The following CHN2 variants were observed in gnomAD, a reference collection of about 807,000 sequenced individuals.
CHN2 encodes the protein chimerin 2, also known as beta-chimaerin.
CHN2 carries 35 observed loss-of-function variants against 56.3 expected under a neutral mutation model. The observed-to-expected ratio is 0.62, with a 90% confidence interval of 0.47 to 0.82. The LOEUF (loss-of-function observed/expected upper bound fraction) is 0.82, where lower values mean the gene tolerates loss of function less well. CHN2 is among the 40% of genes least tolerant of loss of function. CHN2 has a pLI of 0.00. For missense variants in CHN2, 491 were observed against 580.5 expected (o/e 0.85, Z 1.58); for synonymous variants, 210 against 212.8 (o/e 0.99, Z 0.12).
intron 5 of CHN2, among the ~76,000 whole-genome samples, chr7:29,399,390 G>T (rs1050257742): frequency 6.6e-6 from 1 of 152,204 alleles, no homozygotes; most frequent in African/African-American, 2.4e-5. Flanking sequence ...CGTGAGGGCA[G>T]TCATGACCCT....
chr7:29,462,971 A>G (rs958087126), intron 6 of CHN2, among the ~76,000 whole-genome samples: 1 of 135,648 alleles, frequency 7.4e-6, no homozygotes, highest in Non-Finnish European at 1.5e-5. Flanking sequence ...GTTCCCAAGG[A>G]AGAGACCTAC....
chr7:29,505,236 C>G (rs1384471785), intron 10 of CHN2, among the ~76,000 whole-genome samples: 3 of 152,192 alleles, frequency 2.0e-5, no homozygotes, highest in Non-Finnish European at 2.9e-5. Context: ...AACATACTAT[C>G]TCTTAAGTCA....
Position 29,513,878 on chromosome 7 carries a change from G to T in CHN2, c.*1143G>T, listed in dbSNP as rs1191394961. ...CAGTCACTTGGTTATATTTATCTTAGCATGAGCCTTTCACACCAAGATTTC... is the reference window on the plus strand; with the variant it reads ...CAGTCACTTGGTTATATTTATCTTATCATGAGCCTTTCACACCAAGATTTC... On this transcript the variant is annotated 3_prime_UTR_variant, in exon 13 of 13. Transcript: ENST00000222792. The T allele has an allele frequency of 6.6e-6, 1 of 152,540 alleles. No homozygotes were observed. Among genetic ancestry groups the T allele is most frequent in the Admixed American group, 6.5e-5 (1 of 15,270 alleles). 9.4% of individuals were successfully genotyped at this position (152,540 alleles called of 1,614,324 possible). A position where few individuals can be genotyped will look rare whatever the true frequency, so the allele number is the denominator to read the frequency against.
intron 1 of CHN2, among the ~76,000 whole-genome samples, chr7:29,257,058 G>C (rs1422755408): frequency 6.6e-6 from 1 of 152,136 alleles, no homozygotes; most frequent in Non-Finnish European, 1.5e-5. Context: ...TGTCAACTAG[G>C]CTTACTGTTA....
chr7:29,267,959 C>A (rs994890829), intron 1 of CHN2, among the ~76,000 whole-genome samples: 2 of 152,176 alleles, frequency 1.3e-5, no homozygotes, highest in Admixed American at 6.5e-5. Flanking sequence ...AAACAGGAAG[C>A]AGCCTGTTAT....
intron 2 of CHN2, among the ~76,000 whole-genome samples, chr7:29,364,871 G>C (rs1047935472): frequency 1.5e-4 from 23 of 152,112 alleles, no homozygotes; most frequent in African/African-American, 5.1e-4. Flanking sequence ...GAAGGTAAAT[G>C]CTTTTATTAC....
At position 29,212,329 on chromosome 7, in the gene CHN2, G is replaced by C. The variant is rs181320918; in HGVS notation, c.49+17339G>C. ...AGTGTGGATCTGGCTTGTCTGCAAA[G>C]CTTGCCTTGCTTCGAAGCATCCGAC... On this transcript the variant is annotated intron_variant, in intron 1 of 12. Transcript: ENST00000222792. The C allele has an allele frequency of 1.6e-5, 22 of 1,394,322 alleles. No homozygotes were observed. In the African/African-American group the frequency reaches 2.9e-4, roughly 18 times the overall value. 86.4% of individuals were successfully genotyped at this position (1,394,322 alleles called of 1,614,324 possible).
chr7:29,363,611 G>T (rs112483352), intron 2 of CHN2, among the ~76,000 whole-genome samples: 1 of 152,134 alleles, frequency 6.6e-6, no homozygotes, highest in East Asian at 1.9e-4. Flanking sequence ...AAGGGAGATG[G>T]TACACAAAAT....
intron 2 of CHN2, among the ~76,000 whole-genome samples, chr7:29,157,113 A>G (rs1459682504): frequency 6.6e-6 from 1 of 152,122 alleles, no homozygotes; most frequent in Non-Finnish European, 1.5e-5. Flanking sequence ...TGATTGCTGA[A>G]TTTTATCCCT....
chr7:29,314,299 A>G (rs1344396210), intron 1 of CHN2, among the ~76,000 whole-genome samples: 2 of 152,198 alleles, frequency 1.3e-5, no homozygotes, highest in East Asian at 1.9e-4. Flanking sequence ...ACAACAAACA[A>G]TATGATTCCA....
chr7:29,339,000 T>C lies in CHN2; in HGVS notation c.50-15625T>C, dbSNP rs555825766. The stretch of plus-strand genomic sequence containing the variant: ...TCAAAATTATCTTTCACAAAAGGAA[T>C]GTTATCTTAGATTTTATTTTATACA... On this transcript the variant is annotated intron_variant, in intron 1 of 12. Coordinates refer to ENST00000222792, the MANE Select transcript of CHN2 (RefSeq NM_004067.4). 9.8e-5 allele frequency among the ~76,000 whole-genome samples: 15 copies of C among 152,336 alleles called. No homozygotes were observed. In the South Asian group the frequency reaches 2.7e-3, roughly 27 times the overall value.
intron 1 of CHN2, chr7:29,292,868 C>T: frequency 3.1e-5 from 14 of 456,042 alleles, no homozygotes; most frequent in South Asian, 2.2e-4. Flanking sequence ...GAAAATATAT[C>T]TGTCACGGAT....
At chr7:29,274,592 T>C (rs1470032114) in intron 1 of CHN2, among the ~76,000 whole-genome samples, 1 of 152,198 alleles carries the variant, frequency 6.6e-6, no homozygotes, top group African/African-American at 2.4e-5. Flanking sequence ...AGCAGTGATT[T>C]ACAAGGATTG....
Position 29,241,137 on chromosome 7 carries a change from C to T in CHN2, c.49+46147C>T, listed in dbSNP as rs578181634. 3.3e-5 allele frequency among the ~76,000 whole-genome samples: 5 copies of T among 152,226 alleles called. No individual in the cohort carries two copies. The South Asian group carries it at 6.2e-4, about 19-fold the overall frequency. On this transcript the variant is annotated intron_variant, in intron 1 of 12. Transcript: ENST00000222792. ...CTGACCTCAAGGGATCCTCCCGCCT[C>T]GGCCTTCCAAAGTGCTGAGATTACA...
intron 2 of CHN2, among the ~76,000 whole-genome samples, chr7:29,184,257 A>G (rs1196171196): frequency 6.6e-6 from 1 of 150,788 alleles, no homozygotes; most frequent in East Asian, 1.9e-4. Flanking sequence ...ATCTATATAT[A>G]AGATATATAG....
At chr7:29,492,296 AT>A (rs1376516416) in intron 7 of CHN2, among the ~76,000 whole-genome samples, 2 of 151,680 alleles carry the variant, frequency 1.3e-5, no homozygotes, top group Non-Finnish European at 2.9e-5. Flanking sequence ...TTGTTTTAGG[AT>A]TTTGCTTTGT....
Position 29,507,312 on chromosome 7 carries a change from T to C in CHN2, c.1076T>C (p.Leu359Ser). The change falls in exon 11 of 13, where the codon TTA becomes TCA. Residue 359 changes from leucine (L) to serine (S), a missense_variant. Leu to Ser is a moderately radical substitution (Grantham distance 145). Coordinates refer to ENST00000222792, the MANE Select transcript of CHN2 (RefSeq NM_004067.4). ...GCCCTTAAACTGTATTTCAGAGACT[T>C]ACCCATCCCTGTCATCACATATGAT... ...TGALKLYFRD[L>S]PIPVITYDTY... is the part of the protein sequence containing the mutation. The C allele has an allele frequency of 6.2e-7, 1 of 1,613,178 alleles. No homozygotes were observed. The highest frequency in any genetic ancestry group is 8.5e-7 in the Non-Finnish European group (1 of 1,179,154).
intron 1 of CHN2, among the ~76,000 whole-genome samples, chr7:29,286,994 C>T (rs766144263): frequency 3.3e-5 from 5 of 152,062 alleles, no homozygotes; most frequent in Non-Finnish European, 7.4e-5. Context: ...ATTCATTTAC[C>T]ATCTCTAATA....
intron 6 of CHN2, among the ~76,000 whole-genome samples, chr7:29,402,693 G>A (rs1802314228): frequency 6.6e-6 from 1 of 152,164 alleles, no homozygotes; most frequent in African/African-American, 2.4e-5. Context: ...AAAGAGGAGA[G>A]CAGGAGGAGT....
Sources: gnomAD v4.1 joint callset for allele counts (sites outside exome capture counted in the v4.1 genomes callset) on GRCh38, gnomAD v4.1.1 for gene constraint, MANE v1.5 for transcripts, NCBI Gene and HGNC (gene_info 2026-07-23, HGNC 2026-07-21) for gene names.